Variants in SMOC1 observed in about 807,000 individuals in gnomAD.
The protein encoded by SMOC1 is SPARC related modular calcium binding 1, also known as SPARC-related modular calcium-binding protein 1.
Under a neutral mutation model 56.3 loss-of-function variants are expected in SMOC1, and 22 were observed. The observed-to-expected ratio is 0.39, with a 90% confidence interval of 0.28 to 0.56. SMOC1 has a LOEUF of 0.56. Ranked by LOEUF, SMOC1 falls within the 20% of genes least tolerant of loss-of-function variation. The pLI, the probability that SMOC1 is intolerant of heterozygous loss-of-function variation, is 0.61. For synonymous variants in SMOC1, 193 were observed against 215.0 expected, an observed-to-expected ratio of 0.90 and a Z score of 0.89; for missense variants, 509 against 565.4, an observed-to-expected ratio of 0.90 and a Z score of 1.01.
chr14:69,885,055 A>G (rs570539244), intron 1 of SMOC1, among the ~76,000 whole-genome samples: 1 of 152,302 alleles, frequency 6.6e-6, no homozygotes, highest in South Asian at 2.1e-4. Flanking sequence ...TGCTCTTCCA[A>G]TTCATGAACG....
chr14:69,931,305 G>A (rs1376915787), intron 1 of SMOC1, among the ~76,000 whole-genome samples: 1 of 152,188 alleles, frequency 6.6e-6, no homozygotes, highest in Admixed American at 6.5e-5. Flanking sequence ...TCCTTCAAGG[G>A]GCAGCCTGAG....
rs115437951 is a variant in SMOC1 at position 69,929,857 on chromosome 14, G to A, written c.100-22281G>A. 5.2e-3 allele frequency among the ~76,000 whole-genome samples: 797 copies of A among 152,224 alleles called. 6 individuals carry two copies. The highest frequency in any genetic ancestry group is 0.018 in the African/African-American group (742 of 41,504). On this transcript the variant is annotated intron_variant, in intron 1 of 11. Coordinates refer to ENST00000361956, the MANE Select transcript of SMOC1 (RefSeq NM_001034852.3). Reference sequence around the variant, plus strand: ...CAGGGAAGGAGGCAGCCCCAGAGGCGTTAGGCTGACGAAGGAAAAGAGAGG... The same window carrying A: ...CAGGGAAGGAGGCAGCCCCAGAGGCATTAGGCTGACGAAGGAAAAGAGAGG...
At chr14:69,999,363 C>A (rs996275959) in intron 7 of SMOC1, among the ~76,000 whole-genome samples, 2 of 152,148 alleles carry the variant, frequency 1.3e-5, no homozygotes, top group African/African-American at 2.4e-5. Flanking sequence ...CTAGAAACCA[C>A]CGGCTGATGT....
chr14:69,976,557 CAT>C (rs903017252), intron 4 of SMOC1, among the ~76,000 whole-genome samples: 8 of 152,160 alleles, frequency 5.3e-5, no homozygotes, highest in African/African-American at 1.9e-4. Context: ...ACTTAATAAA[CAT>C]AGAGAAATTG....
Position 69,980,020 on chromosome 14 carries a change from A to G in SMOC1, c.526+2055A>G, listed in dbSNP as rs1458983835. Among the ~76,000 whole-genome samples, 3 of 152,222 alleles carry G rather than the reference A, an allele frequency of 2.0e-5. No individual in the cohort carries two copies. The East Asian group carries it at 5.8e-4, about 29-fold the overall frequency. ...TGCACCCTGTGGACAACAATGACAG[A>G]CAGACCCATGGTCATCCCAGGCTCT... is the stretch of plus-strand genomic sequence containing the variant. On this transcript the variant is annotated intron_variant, in intron 5 of 11. Coordinates refer to ENST00000361956, the MANE Select transcript of SMOC1 (RefSeq NM_001034852.3).
At chr14:69,929,081 A>T (rs151268067) in intron 1 of SMOC1, among the ~76,000 whole-genome samples, 60 of 152,302 alleles carry the variant, frequency 3.9e-4, no homozygotes, top group Non-Finnish European at 1.5e-5. Context: ...TGCAAGCTGC[A>T]TAGGAAGAGA....
At chr14:69,885,236 G>C in intron 1 of SMOC1, 2 of 717,766 alleles carry the variant, frequency 2.8e-6, no homozygotes. Flanking sequence ...TTTTTGCTTA[G>C]GAACGATTAC....
chr14:69,955,926 C>T lies in SMOC1; in HGVS notation c.378+2394C>T, dbSNP rs547925292. Reference sequence around the variant, plus strand: ...GGAGGAGAGTGGAGTTTGTGGCCATCGGCTTTTTCTTTCTCCAGGCTTGTG... The same window carrying T: ...GGAGGAGAGTGGAGTTTGTGGCCATTGGCTTTTTCTTTCTCCAGGCTTGTG... On this transcript the variant is annotated intron_variant, in intron 3 of 11. Coordinates refer to ENST00000361956, the MANE Select transcript of SMOC1 (RefSeq NM_001034852.3). Among the ~76,000 whole-genome samples the T allele has an allele frequency of 2.8e-4, 42 of 152,212 alleles. 1 individual carries two copies. The South Asian group carries it at 8.1e-3, about 29-fold the overall frequency.
chr14:69,914,441 T>A (rs879346155), intron 1 of SMOC1, among the ~76,000 whole-genome samples: 17 of 152,316 alleles, frequency 1.1e-4, no homozygotes, highest in Admixed American at 1.0e-3. Flanking sequence ...CACAGTAGTT[T>A]GCAGACCCCT....
At chr14:70,024,971 G>A (rs188459944) in intron 11 of SMOC1, among the ~76,000 whole-genome samples, 12 of 152,290 alleles carry the variant, frequency 7.9e-5, no homozygotes, top group Non-Finnish European at 1.6e-4. Context: ...ACACAGCAGG[G>A]TAAGGGGAAT....
In SMOC1 at chr14:69,992,397, C is replaced by A. The variant is rs776366297; in HGVS notation, c.527-20C>A. The A allele has an allele frequency of 6.2e-7, 1 of 1,613,750 alleles. No individual in the cohort carries two copies. Among genetic ancestry groups the A allele is most frequent in the Non-Finnish European group, 8.5e-7 (1 of 1,179,734 alleles). On this transcript the variant is annotated intron_variant, in intron 5 of 11. Transcript: ENST00000361956. ...CAATAATGGTAGTCTCCTTTCGATT[C>A]TTTTTAACCCTCAATTCAGATGACG... is the stretch of plus-strand genomic sequence containing the variant.
At chr14:69,922,670 G>A (rs1447774525) in intron 1 of SMOC1, among the ~76,000 whole-genome samples, 1 of 152,162 alleles carries the variant, frequency 6.6e-6, no homozygotes, top group East Asian at 1.9e-4. Context: ...AGATCTCTAG[G>A]TGATCATATG....
chr14:69,982,464 G>A (rs1884214691), intron 5 of SMOC1, among the ~76,000 whole-genome samples: 4 of 152,326 alleles, frequency 2.6e-5, no homozygotes, highest in South Asian at 4.1e-4. Context: ...TGTCACTCAA[G>A]CAATGGATGG....
At chr14:69,972,401 C>A (rs1883794448) in intron 3 of SMOC1, among the ~76,000 whole-genome samples, 1 of 152,168 alleles carries the variant, frequency 6.6e-6, no homozygotes, top group Non-Finnish European at 1.5e-5. Context: ...TCTGTGCCAC[C>A]CTTTGCCCAT....
chr14:69,923,287 G>C (rs1884901843), intron 1 of SMOC1, among the ~76,000 whole-genome samples: 1 of 151,986 alleles, frequency 6.6e-6, no homozygotes, highest in African/African-American at 2.4e-5. Flanking sequence ...CTCCCTCCCT[G>C]GCTCTCAGGA....
At chr14:69,885,266 CTT>C (rs201984545) in intron 1 of SMOC1, 1,585 of 710,022 alleles carry the variant, frequency 2.2e-3, no homozygotes, top group South Asian at 2.7e-3. Flanking sequence ...CGAACAACTT[CTT>C]TTTTTTTTTT....
At chr14:69,886,204 A>C in intron 1 of SMOC1, 1 of 782,164 alleles carries the variant, frequency 1.3e-6, no homozygotes, top group Non-Finnish European at 2.1e-6. Flanking sequence ...TTGTATTCTA[A>C]CTTGTATTAA....
At chr14:69,994,537 G>A (rs1884697343) in intron 7 of SMOC1, 57 bp downstream of exon 7, 2 of 1,340,274 alleles carry the variant, frequency 1.5e-6, no homozygotes, top group Non-Finnish European at 2.1e-6. Context: ...TTGCCCCGTG[G>A]TTCTGTGACT....
intron 10 of SMOC1, among the ~76,000 whole-genome samples, chr14:70,016,934 C>T (rs143214421): frequency 1.3e-5 from 2 of 152,202 alleles, no homozygotes; most frequent in Non-Finnish European, 2.9e-5. Context: ...GCATATATCA[C>T]GGTCTGATAT....
Sources: allele counts gnomAD v4.1 joint callset (sites outside exome capture counted in the v4.1 genomes callset), GRCh38; gene constraint gnomAD v4.1.1; transcripts MANE v1.5; gene names NCBI Gene and HGNC (gene_info 2026-07-23, HGNC 2026-07-21).